The following DNAH7 variants were observed in gnomAD, a reference collection of about 807,000 sequenced individuals.
DNAH7 encodes the protein dynein axonemal heavy chain 7.
A neutral mutation model predicts 444.6 loss-of-function variants in DNAH7; 397 were observed. That is an observed-to-expected ratio of 0.89 (90% confidence interval 0.82 to 0.97). DNAH7 has a LOEUF of 0.97. DNAH7 is among the 50% of genes least tolerant of loss of function. The pLI is 0.00. For missense variants in DNAH7, 4,902 were observed against 4,800.8 expected (o/e 1.02, Z -0.62); for synonymous variants, 1,636 against 1,624.4 (o/e 1.01, Z -0.17).
chr2:196,024,620 T>C, intron 7 of DNAH7, 116 bp from the exon 8 acceptor site: 1 of 546,088 alleles, frequency 1.8e-6, no homozygotes, highest in Non-Finnish European at 2.9e-6. Flanking sequence ...TTAAAGTTGT[T>C]TAATAATGAG....
intron 11 of DNAH7, among the ~76,000 whole-genome samples, chr2:196,001,214 T>G (rs1694014938): frequency 6.6e-6 from 1 of 152,158 alleles, no homozygotes; most frequent in Non-Finnish European, 1.5e-5. Flanking sequence ...CAACAGGACC[T>G]CCTTCCAGAA....
chr2:196,000,282 T>A (rs1329259029), intron 12 of DNAH7, among the ~76,000 whole-genome samples: 1 of 151,946 alleles, frequency 6.6e-6, no homozygotes, highest in Non-Finnish European at 1.5e-5. Flanking sequence ...ATAGATTAGA[T>A]CTATGAGTTG....
Position 195,946,997 on chromosome 2 carries a change from T to C in DNAH7, c.3079-10205A>G, listed in dbSNP as rs1018515763. On this transcript the variant is annotated intron_variant, in intron 19 of 64. Transcript: ENST00000312428. ...AGCCTCTCTGAGTGAGAAAGGTCAC[T>C]GGTTGAGTATAGTTGGTAGCATGAA... Among the ~76,000 whole-genome samples the C allele has an allele frequency of 2.6e-5, 4 of 151,932 alleles. No individual in the cohort carries two copies. In the East Asian group the frequency reaches 7.7e-4, roughly 29 times the overall value.
chr2:195,739,479 A>C (rs1308818512), intron 64 of DNAH7, among the ~76,000 whole-genome samples: 1 of 152,216 alleles, frequency 6.6e-6, no homozygotes, highest in Non-Finnish European at 1.5e-5. Context: ...CCATTTTCTC[A>C]TGATGCAGTT....
intron 54 of DNAH7, among the ~76,000 whole-genome samples, chr2:195,802,176 T>C (rs1444781393): frequency 6.6e-6 from 1 of 152,216 alleles, no homozygotes; most frequent in African/African-American, 2.4e-5. Flanking sequence ...ATAGATGTTA[T>C]TTTATGTTTC....
In DNAH7 at chr2:195,775,843, C is replaced by CT. The variant is rs769945596; in HGVS notation, c.11202+2_11202+3insA. 4 of 1,613,666 alleles carry CT rather than the reference C, an allele frequency of 2.5e-6. 1 individual carries two copies. The South Asian group carries it at 4.4e-5, about 18-fold the overall frequency. On this transcript the variant is annotated splice_region_variant and intron_variant, in intron 60 of 64. Transcript: ENST00000312428. ...GAATCCAGGTCCTATACAGATCACA[C>CT]ACCTGTGTAAGAAGAATGTTATCAA...
rs770908648 is a variant in DNAH7 at position 195,988,237 on chromosome 2, A to C, written c.1354-8T>G. ...TGGTTTAGACTTACTTTCCTAAACA[A>C]GGGGGTAAAAATAATAGTATTTAAA... On this transcript the variant is annotated splice_region_variant and splice_polypyrimidine_tract_variant and intron_variant, in intron 12 of 64. Coordinates refer to ENST00000312428, the MANE Select transcript of DNAH7 (RefSeq NM_018897.3). 1.9e-6 allele frequency: 3 copies of C among 1,581,500 alleles called. No individual in the cohort carries two copies. The highest frequency in any genetic ancestry group is 8.6e-7 in the Non-Finnish European group (1 of 1,168,876).
At chr2:195,913,413 C>T (rs549688295) in intron 24 of DNAH7, among the ~76,000 whole-genome samples, 11 of 151,780 alleles carry the variant, frequency 7.2e-5, no homozygotes, top group Non-Finnish European at 1.3e-4. Flanking sequence ...ACGTTATATC[C>T]GTATCAAATG....
chr2:195,928,459 C>T (rs915799468), intron 21 of DNAH7, among the ~76,000 whole-genome samples: 8 of 152,212 alleles, frequency 5.3e-5, no homozygotes, highest in Middle Eastern at 3.4e-3. Flanking sequence ...TTTAATGCTG[C>T]TAAAGAGTGG....
chr2:195,924,338 T>C (rs992548041), intron 22 of DNAH7, among the ~76,000 whole-genome samples: 7 of 152,136 alleles, frequency 4.6e-5, no homozygotes, highest in Non-Finnish European at 8.8e-5. Flanking sequence ...AGGCCTATAA[T>C]CCCAGCACTT....
At position 195,833,149 on chromosome 2, in the gene DNAH7, G is replaced by A. The variant is rs544732463; in HGVS notation, c.9100+1057C>T. On this transcript the variant is annotated intron_variant, in intron 48 of 64. Coordinates refer to ENST00000312428, the MANE Select transcript of DNAH7 (RefSeq NM_018897.3). Reference sequence around the variant, plus strand: ...ACACACACATATATCTGATCTTACTGTTAAACAGGCAAAATATTTAATAGT... The same window carrying A: ...ACACACACATATATCTGATCTTACTATTAAACAGGCAAAATATTTAATAGT... Among the ~76,000 whole-genome samples the A allele has an allele frequency of 2.6e-5, 4 of 152,222 alleles. No individual in the cohort carries two copies. The South Asian group carries it at 8.3e-4, about 32-fold the overall frequency.
At chr2:195,832,702 A>G (rs1012330141) in intron 48 of DNAH7, among the ~76,000 whole-genome samples, 3 of 152,050 alleles carry the variant, frequency 2.0e-5, no homozygotes, top group Non-Finnish European at 4.4e-5. Context: ...TCAGCCTCCT[A>G]AAGTGTTGAG....
At chr2:195,881,354 T>C (rs1166040310) in intron 36 of DNAH7, among the ~76,000 whole-genome samples, 1 of 152,180 alleles carries the variant, frequency 6.6e-6, no homozygotes, top group Non-Finnish European at 1.5e-5. Flanking sequence ...GCATTTTCTA[T>C]TACAGCATCT....
chr2:195,747,060 C>A (rs111758599), intron 63 of DNAH7, among the ~76,000 whole-genome samples: 1 of 152,118 alleles, frequency 6.6e-6, no homozygotes, highest in African/African-American at 2.4e-5. Flanking sequence ...AATCCAGGAG[C>A]TGGTTTTTTT....
At chr2:195,797,920 T>C (rs912903947) in intron 55 of DNAH7, among the ~76,000 whole-genome samples, 8 of 152,230 alleles carry the variant, frequency 5.3e-5, no homozygotes, top group African/African-American at 1.4e-4. Flanking sequence ...CCAATGCTTC[T>C]TCAACAAATA....
Position 195,834,310 on chromosome 2 carries a change from T to G in DNAH7, c.8996A>C (p.Lys2999Thr). 1.2e-6 allele frequency: 2 copies of G among 1,606,270 alleles called. No individual in the cohort carries two copies. Among genetic ancestry groups the G allele is most frequent in the South Asian group, 1.1e-5 (1 of 90,624 alleles). Residue 2999 changes from lysine (K) to threonine (T), a missense_variant, in exon 48 of 65, where the codon AAA (lysine) becomes ACA (threonine). Physicochemically the swap from Lys to Thr is moderately conservative, Grantham distance 78 (BLOSUM62 -1). Transcript: ENST00000312428. ...GGCTTTTTCCATGTTCTTGATCCAT[T>G]TATTAGCCTGACTTTGAGGATCTAT... Reference protein sequence around the residue: ...LMIDPQSQANKWIKNMEKANS... With the variant: ...LMIDPQSQANTWIKNMEKANS...
Position 195,944,052 on chromosome 2 carries a change from A to T in DNAH7, c.3079-7260T>A, listed in dbSNP as rs192881127. Reference sequence around the variant, plus strand: ...GTTTCTAAGTCCTTGATTATGCAGCATAACTGTTTGCTACTGACCATCATC... The same window carrying T: ...GTTTCTAAGTCCTTGATTATGCAGCTTAACTGTTTGCTACTGACCATCATC... On this transcript the variant is annotated intron_variant, in intron 19 of 64. Coordinates refer to ENST00000312428, the MANE Select transcript of DNAH7 (RefSeq NM_018897.3). Among the ~76,000 whole-genome samples the T allele has an allele frequency of 1.4e-3, 211 of 152,250 alleles. 1 individual carries two copies. The highest frequency in any genetic ancestry group is 4.8e-3 in the African/African-American group (198 of 41,564).
intron 61 of DNAH7, among the ~76,000 whole-genome samples, chr2:195,761,774 C>G (rs1376190775): frequency 6.6e-6 from 1 of 152,082 alleles, no homozygotes; most frequent in African/African-American, 2.4e-5. Flanking sequence ...AAGAGACTTT[C>G]CCAAACAACA....
At chr2:195,985,063 A>G (rs932114978) in intron 14 of DNAH7, among the ~76,000 whole-genome samples, 1 of 152,222 alleles carries the variant, frequency 6.6e-6, no homozygotes, top group African/African-American at 2.4e-5. Context: ...GCACAAAGAA[A>G]GTAGTACAAA....
Sources: allele counts gnomAD v4.1 joint callset (sites outside exome capture counted in the v4.1 genomes callset), GRCh38; gene constraint gnomAD v4.1.1; transcripts MANE v1.5; gene names NCBI Gene and HGNC (gene_info 2026-07-23, HGNC 2026-07-21).